Variants in STX8 observed in about 807,000 individuals in gnomAD.
STX8 encodes syntaxin-8.
A neutral mutation model predicts 37.5 loss-of-function variants in STX8; 23 were observed. The observed-to-expected ratio is 0.61, with a 90% confidence interval of 0.44 to 0.87. The LOEUF (loss-of-function observed/expected upper bound fraction) is 0.87. Ranked by LOEUF, STX8 falls within the 40% of genes least tolerant of loss-of-function variation. STX8 has a pLI of 0.00. For missense variants in STX8, 313 were observed against 284.7 expected (o/e 1.10, Z -0.71); for synonymous variants, 115 against 99.1 (o/e 1.16, Z -0.95).
chr17:9,560,461 A>C lies in STX8; in HGVS notation c.118-2933T>G, dbSNP rs534576716. ...GTCATTAGTCATAAAGTGAAAAAAA[A>C]TCAAGGGCATTCCTAAATTTAAGTA... On this transcript the variant is annotated intron_variant, in intron 2 of 7. Coordinates refer to ENST00000306357, the MANE Select transcript of STX8 (RefSeq NM_004853.3). Among the ~76,000 whole-genome samples, 27 of 152,140 alleles carry C rather than the reference A, an allele frequency of 1.8e-4. 1 individual carries two copies. The South Asian group carries it at 4.2e-3, about 23-fold the overall frequency.
At chr17:9,377,379 C>T (rs1042720845) in intron 7 of STX8, among the ~76,000 whole-genome samples, 1 of 152,016 alleles carries the variant, frequency 6.6e-6, no homozygotes, top group Non-Finnish European at 1.5e-5. Context: ...TGGCTCACTG[C>T]AGCCTCAGCC....
At chr17:9,361,882 T>G (rs1047651178) in intron 7 of STX8, among the ~76,000 whole-genome samples, 3 of 152,252 alleles carry the variant, frequency 2.0e-5, no homozygotes, top group Non-Finnish European at 4.4e-5. Context: ...TGTGATTAAC[T>G]GTGACTTTAA....
At position 9,498,709 on chromosome 17, in the gene STX8, C is replaced by T. The variant is rs79334328; in HGVS notation, c.448+6329G>A. Among the ~76,000 whole-genome samples, 501 of 152,154 alleles carry T rather than the reference C, an allele frequency of 3.3e-3. 6 individuals are homozygous for T. The highest frequency in any genetic ancestry group is 0.012 in the African/African-American group (480 of 41,506). On this transcript the variant is annotated intron_variant, in intron 5 of 7. Transcript: ENST00000306357. ...GACCTAAGAACGCAGAAATCTAGAACGATTGCACAATTTCCTGCTAGAGTC... is the reference window on the plus strand; with the variant it reads ...GACCTAAGAACGCAGAAATCTAGAATGATTGCACAATTTCCTGCTAGAGTC...
intron 4 of STX8, among the ~76,000 whole-genome samples, chr17:9,533,883 GACCATA>G: frequency 6.6e-6 from 1 of 152,200 alleles, no homozygotes; most frequent in South Asian, 2.1e-4. Context: ...ACTGCTCAGA[GACCATA>G]ACCTCATCCT....
chr17:9,531,678 T>C (rs1306258303), intron 4 of STX8, among the ~76,000 whole-genome samples: 2 of 152,206 alleles, frequency 1.3e-5, no homozygotes, highest in Non-Finnish European at 2.9e-5. Flanking sequence ...CTGAGGGTCT[T>C]AGAATGTGTC....
chr17:9,363,904 A>G (rs1911143118), intron 7 of STX8, among the ~76,000 whole-genome samples: 1 of 152,168 alleles, frequency 6.6e-6, no homozygotes, highest in South Asian at 2.1e-4. Flanking sequence ...CTTCTATTAT[A>G]AATAAAGGTT....
intron 3 of STX8, among the ~76,000 whole-genome samples, chr17:9,551,127 C>T (rs79223721): frequency 0.027 from 4,136 of 152,084 alleles, 70 homozygotes; most frequent in Non-Finnish European, 0.04. Context: ...GCTGCTCTGG[C>T]GAAGGAAGAA....
chr17:9,558,716 G>A (rs563727718), intron 2 of STX8, among the ~76,000 whole-genome samples: 228 of 152,272 alleles, frequency 1.5e-3, no homozygotes, highest in Middle Eastern at 6.8e-3. Flanking sequence ...CCAGCTACGC[G>A]GGAGGCTGAG....
intron 7 of STX8, among the ~76,000 whole-genome samples, chr17:9,266,163 G>A (rs1485097672): frequency 6.6e-6 from 1 of 152,198 alleles, no homozygotes; most frequent in East Asian, 1.9e-4. Flanking sequence ...TGGAATGAAG[G>A]GTGACGTAAT....
At chr17:9,415,171 T>C (rs1239182985) in intron 6 of STX8, among the ~76,000 whole-genome samples, 1 of 152,188 alleles carries the variant, frequency 6.6e-6, no homozygotes, top group Non-Finnish European at 1.5e-5. Context: ...ACAAGGTTGG[T>C]GGACAACAGC....
intron 7 of STX8, among the ~76,000 whole-genome samples, chr17:9,336,991 T>C (rs567884075): frequency 3.2e-4 from 49 of 152,232 alleles, no homozygotes; most frequent in African/African-American, 1.2e-3. Context: ...TAAAGTAAAA[T>C]GGAATGAGGT....
chr17:9,503,105 CAAAAAAAAAAA>C (rs61437085), intron 5 of STX8, among the ~76,000 whole-genome samples: 9 of 58,600 alleles, frequency 1.5e-4, no homozygotes, highest in Admixed American at 2.5e-4. Flanking sequence ...GACTCTGTCT[CAAAAAAAAAAA>C]AAAAAAAAAA....
chr17:9,273,791 G>A (rs1201625762), intron 7 of STX8, among the ~76,000 whole-genome samples: 7 of 152,308 alleles, frequency 4.6e-5, no homozygotes, highest in African/African-American at 9.6e-5. Context: ...ACGCATTCCC[G>A]TCTCACGTTG....
At chr17:9,307,981 G>C (rs1173779277) in intron 7 of STX8, among the ~76,000 whole-genome samples, 2 of 152,200 alleles carry the variant, frequency 1.3e-5, no homozygotes, top group East Asian at 1.9e-4. Context: ...AAGCTACACA[G>C]AGAGGCCAAG....
intron 7 of STX8, among the ~76,000 whole-genome samples, chr17:9,310,757 T>C (rs1416816448): frequency 6.6e-6 from 1 of 152,088 alleles, no homozygotes; most frequent in East Asian, 1.9e-4. Context: ...TTAAGTAACT[T>C]ACCCAAGGTC....
intron 4 of STX8, among the ~76,000 whole-genome samples, chr17:9,508,673 G>A (rs1344501910): frequency 6.6e-6 from 1 of 152,176 alleles, no homozygotes; most frequent in Non-Finnish European, 1.5e-5. Context: ...AACACAGAAA[G>A]ATGGGGGGAA....
intron 7 of STX8, among the ~76,000 whole-genome samples, chr17:9,362,840 A>AAAAT (rs1555601153): frequency 2.2e-3 from 255 of 115,514 alleles, no homozygotes; most frequent in African/African-American, 6.4e-3. Flanking sequence ...AAAAAAAAAA[A>AAAAT]AAATAAATAA....
chr17:9,410,703 T>A (rs1018325289), intron 6 of STX8, among the ~76,000 whole-genome samples: 5 of 152,252 alleles, frequency 3.3e-5, no homozygotes, highest in Admixed American at 6.5e-5. Flanking sequence ...AACACTCTAA[T>A]GTTTACGTTT....
chr17:9,431,981 A>G (rs1914001712), intron 6 of STX8, among the ~76,000 whole-genome samples: 1 of 152,224 alleles, frequency 6.6e-6, no homozygotes, highest in South Asian at 2.1e-4. Context: ...GTTTTCTAAT[A>G]AAATCAAACA....
Sources: allele counts gnomAD v4.1 joint callset (sites outside exome capture counted in the v4.1 genomes callset), GRCh38; gene constraint gnomAD v4.1.1; transcripts MANE v1.5; gene names NCBI Gene and HGNC (gene_info 2026-07-23, HGNC 2026-07-21).